TMEM108: variants seen among roughly 807,000 people sequenced by gnomAD.
TMEM108 encodes cancer/testis antigen 124.
Under a neutral mutation model 35.1 loss-of-function variants are expected in TMEM108, and 12 were observed. The ratio of observed to expected loss-of-function variants is 0.34; its 90% confidence interval spans 0.22 to 0.55. TMEM108 has a LOEUF of 0.55. Ranked by LOEUF, TMEM108 falls within the 20% of genes least tolerant of loss-of-function variation. The pLI is 0.89. For synonymous variants in TMEM108, 287 were observed against 308.6 expected (o/e 0.93, Z 0.73); for missense variants, 680 against 753.3 (o/e 0.90, Z 1.14).
At chr3:133,270,113 C>G (rs1946749852) in intron 3 of TMEM108, among the ~76,000 whole-genome samples, 1 of 152,106 alleles carries the variant, frequency 6.6e-6, no homozygotes, top group Admixed American at 6.6e-5. Flanking sequence ...CTCTGAGATT[C>G]CAGAAAATAA....
At chr3:133,329,939 T>G (rs2071375640) in intron 3 of TMEM108, among the ~76,000 whole-genome samples, 2 of 152,274 alleles carry the variant, frequency 1.3e-5, no homozygotes, top group East Asian at 3.9e-4. Context: ...ATCAAGAATC[T>G]TGGTGCTGGG....
chr3:133,212,794 C>T (rs111538700), intron 2 of TMEM108, among the ~76,000 whole-genome samples: 2,239 of 141,188 alleles, frequency 0.016, 76 homozygotes, highest in African/African-American at 0.053. Context: ...TGAACTCGGG[C>T]GGCGGAGGTT....
intron 1 of TMEM108, among the ~76,000 whole-genome samples, chr3:133,043,841 G>A (rs1046991835): frequency 6.6e-6 from 1 of 151,970 alleles, no homozygotes; most frequent in African/African-American, 2.4e-5. Flanking sequence ...GCTCCTCCTT[G>A]GCTAATTATT....
At chr3:133,317,888 G>A (rs575486288) in intron 3 of TMEM108, among the ~76,000 whole-genome samples, 2 of 152,290 alleles carry the variant, frequency 1.3e-5, no homozygotes, top group Admixed American at 1.3e-4. Context: ...AGGGATACAT[G>A]CAATGAAAAA....
intron 2 of TMEM108, among the ~76,000 whole-genome samples, chr3:133,141,568 G>C (rs1397400494): frequency 6.6e-6 from 1 of 152,150 alleles, no homozygotes; most frequent in South Asian, 2.1e-4. Context: ...GGATGAGCCT[G>C]CTGGTAAAAG....
intron 3 of TMEM108, among the ~76,000 whole-genome samples, chr3:133,314,807 C>T (rs755109916): frequency 1.8e-4 from 27 of 152,320 alleles, no homozygotes; most frequent in Admixed American, 6.5e-4. Context: ...TTAGAAATAG[C>T]TCATTCCAAC....
At chr3:133,197,364 A>G (rs555602314) in intron 2 of TMEM108, among the ~76,000 whole-genome samples, 8 of 152,282 alleles carry the variant, frequency 5.3e-5, no homozygotes, top group African/African-American at 1.9e-4. Context: ...AGGTGATACC[A>G]GGGATCCGCA....
intron 2 of TMEM108, among the ~76,000 whole-genome samples, chr3:133,227,249 G>A (rs1376417068): frequency 1.4e-5 from 2 of 140,780 alleles, no homozygotes; most frequent in African/African-American, 5.2e-5. Flanking sequence ...CTGGAGTGCA[G>A]TGGCGCAATC....
At chr3:133,164,340 T>C (rs1275690478) in intron 2 of TMEM108, among the ~76,000 whole-genome samples, 2 of 152,218 alleles carry the variant, frequency 1.3e-5, no homozygotes, top group Non-Finnish European at 2.9e-5. Flanking sequence ...CACCGATGCT[T>C]TAACACAGTT....
At chr3:133,391,613 G>A (rs1386175555) in intron 5 of TMEM108, among the ~76,000 whole-genome samples, 2 of 152,060 alleles carry the variant, frequency 1.3e-5, no homozygotes, top group African/African-American at 4.8e-5. Context: ...CAGCCACACT[G>A]GATTTCTTTT....
intron 2 of TMEM108, among the ~76,000 whole-genome samples, chr3:133,228,070 G>C (rs1157611380): frequency 6.6e-6 from 1 of 152,020 alleles, no homozygotes; most frequent in East Asian, 1.9e-4. Flanking sequence ...TTTCATTTTT[G>C]AGTGATGAAA....
chr3:133,172,501 T>C (rs1044119517), intron 2 of TMEM108, among the ~76,000 whole-genome samples: 1 of 152,202 alleles, frequency 6.6e-6, no homozygotes, highest in Non-Finnish European at 1.5e-5. Flanking sequence ...ACTTTCATTA[T>C]GGTTTTGCTA....
rs200482227 is a variant in TMEM108 at position 133,205,917 on chromosome 3, C to T, written c.-46-23349C>T. 2.6e-4 allele frequency among the ~76,000 whole-genome samples: 39 copies of T among 152,300 alleles called. 1 individual carries two copies. The highest frequency in any genetic ancestry group is 1.9e-3 in the East Asian group (10 of 5,188). ...TTTTCCAACTTGGTTCCATTCTCCC[C>T]GTCACTTTCAGGTACACCAATCAAA... On this transcript the variant is annotated intron_variant, in intron 2 of 5. Coordinates refer to ENST00000321871, the MANE Select transcript of TMEM108 (RefSeq NM_023943.4).
chr3:133,279,069 T>A (rs1469341479), intron 3 of TMEM108, among the ~76,000 whole-genome samples: 2 of 152,184 alleles, frequency 1.3e-5, no homozygotes, highest in African/African-American at 4.8e-5. Context: ...AGGCCTAGTG[T>A]TTTGCCTATT....
At chr3:133,131,745 C>T (rs1338296553) in intron 2 of TMEM108, among the ~76,000 whole-genome samples, 1 of 151,876 alleles carries the variant, frequency 6.6e-6, no homozygotes, top group East Asian at 1.9e-4. Context: ...AGCTAGGCCT[C>T]TTGCATCAGC....
intron 3 of TMEM108, among the ~76,000 whole-genome samples, chr3:133,313,297 A>G (rs2071157273): frequency 6.6e-6 from 1 of 151,604 alleles, no homozygotes; most frequent in South Asian, 2.1e-4. Flanking sequence ...TCCCGGGTGC[A>G]CACCATTCTC....
intron 3 of TMEM108, among the ~76,000 whole-genome samples, chr3:133,338,775 G>T (rs1357584115): frequency 1.3e-5 from 2 of 151,900 alleles, no homozygotes; most frequent in Non-Finnish European, 2.9e-5. Flanking sequence ...AGCACGATAA[G>T]ATATAAATAG....
At chr3:133,204,069 A>G (rs900887509) in intron 2 of TMEM108, among the ~76,000 whole-genome samples, 13 of 151,852 alleles carry the variant, frequency 8.6e-5, no homozygotes, top group Non-Finnish European at 1.9e-4. Context: ...TAGATTTTCT[A>G]GTTTGTTTGT....
chr3:133,335,869 C>T (rs531005811), intron 3 of TMEM108, among the ~76,000 whole-genome samples: 12 of 152,254 alleles, frequency 7.9e-5, no homozygotes, highest in African/African-American at 9.6e-5. Flanking sequence ...GGGAGCTGCA[C>T]GGCACGGAGA....
Sources: allele counts gnomAD v4.1 joint callset (sites outside exome capture counted in the v4.1 genomes callset), GRCh38; gene constraint gnomAD v4.1.1; transcripts MANE v1.5; gene names NCBI Gene and HGNC (gene_info 2026-07-23, HGNC 2026-07-21).